The following SHISAL1 variants were observed in gnomAD, a reference collection of about 807,000 sequenced individuals.
The protein encoded by SHISAL1 is shisa like 1.
Under a neutral mutation model 22.6 loss-of-function variants are expected in SHISAL1, and 9 were observed. The observed-to-expected ratio is 0.40, with a 90% CI of 0.24 to 0.70. The LOEUF (loss-of-function observed/expected upper bound fraction) is 0.70. SHISAL1 is among the 30% of genes least tolerant of loss of function. SHISAL1 has a pLI of 0.39. For missense variants in SHISAL1, 246 were observed against 270.6 expected, an observed-to-expected ratio of 0.91 and a Z score of 0.64; for synonymous variants, 119 against 115.4, an observed-to-expected ratio of 1.03 and a Z score of -0.20.
intron 4 of SHISAL1, among the ~76,000 whole-genome samples, chr22:44,262,230 C>T (rs866129461): frequency 3.3e-5 from 5 of 152,190 alleles, no homozygotes; most frequent in African/African-American, 7.2e-5. Flanking sequence ...TCCAGGCGGA[C>T]GGAACAGCCT....
chr22:44,300,703 G>C (rs1476698552), intron 2 of SHISAL1, among the ~76,000 whole-genome samples, 176 bp downstream of exon 2: 1 of 152,196 alleles, frequency 6.6e-6, no homozygotes, highest in Admixed American at 6.5e-5. Context: ...GAGACAGACA[G>C]AGACCAACCA....
chr22:44,282,743 G>A (rs538804261), intron 4 of SHISAL1, among the ~76,000 whole-genome samples: 1 of 152,312 alleles, frequency 6.6e-6, no homozygotes, highest in Admixed American at 6.5e-5. Flanking sequence ...GGGCTGTGAG[G>A]GGAACAGAAG....
chr22:44,263,314 G>A (rs1193455657), intron 4 of SHISAL1, among the ~76,000 whole-genome samples: 2 of 152,078 alleles, frequency 1.3e-5, no homozygotes, highest in African/African-American at 2.4e-5. Context: ...CAGGTGATCT[G>A]CCCACCTTGG....
chr22:44,256,501 G>C (rs1288452696), intron 4 of SHISAL1, among the ~76,000 whole-genome samples: 1 of 152,184 alleles, frequency 6.6e-6, no homozygotes, highest in African/African-American at 2.4e-5. Flanking sequence ...ATCCATACCA[G>C]CATGTTCCTG....
chr22:44,264,653 C>T (rs555784732), intron 4 of SHISAL1, among the ~76,000 whole-genome samples: 1 of 152,320 alleles, frequency 6.6e-6, no homozygotes, highest in South Asian at 2.1e-4. Flanking sequence ...CAGAGTCCTA[C>T]AGGCCCCAGC....
intron 4 of SHISAL1, among the ~76,000 whole-genome samples, chr22:44,270,999 G>A (rs2055202087): frequency 1.3e-5 from 2 of 152,136 alleles, no homozygotes; most frequent in Admixed American, 6.5e-5. Flanking sequence ...ACTTAGCAGG[G>A]ACCTCTTTCC....
At chr22:44,301,690 G>A (rs993747224) in intron 1 of SHISAL1, among the ~76,000 whole-genome samples, 4 of 152,164 alleles carry the variant, frequency 2.6e-5, no homozygotes, top group African/African-American at 9.7e-5. Flanking sequence ...TCAACAAAAG[G>A]TGGCCCGTCA....
chr22:44,303,592 T>C (rs1041596357), intron 1 of SHISAL1, among the ~76,000 whole-genome samples: 2 of 152,182 alleles, frequency 1.3e-5, no homozygotes, highest in Admixed American at 6.5e-5. Flanking sequence ...GCTGACACCC[T>C]GACTTGGACT....
intron 4 of SHISAL1, among the ~76,000 whole-genome samples, chr22:44,263,086 T>C (rs113991374): frequency 7.0e-6 from 1 of 143,118 alleles, no homozygotes; most frequent in African/African-American, 2.5e-5. Flanking sequence ...TTTCTTTTTT[T>C]TTTTTTTTTT....
rs375548333 is a variant in SHISAL1 at position 44,285,521 on chromosome 22, G to C, written c.506C>G (p.Pro169Arg). 30 of 1,613,480 alleles carry C rather than the reference G, an allele frequency of 1.9e-5. No homozygotes were observed. The highest frequency in any genetic ancestry group is 2.5e-5 in the Non-Finnish European group (29 of 1,179,668). ...CTGTGGGGCTTGTGGCAGCGGGCCT[G>C]GGGGAGGCTGCGGCTGTGGGGCCCG... is the stretch of plus-strand genomic sequence containing the variant. Reference protein sequence around the residue: ...GQRAPQPQPPPGPLPQAPQAV... With the variant: ...GQRAPQPQPPRGPLPQAPQAV... Residue 169 changes from proline to arginine, a missense_variant, in exon 4 of 5, where the codon CCA becomes CGA. Physicochemically the swap from Pro to Arg is moderately radical, Grantham distance 103 (BLOSUM62 -2). This residue lies in a region of SHISAL1 where 136 missense variants were observed against 117.5 expected (regional missense o/e 1.16). Coordinates refer to ENST00000381176, the MANE Select transcript of SHISAL1 (RefSeq NM_001099294.2).
At chr22:44,253,155 T>C (rs2055060678) in intron 4 of SHISAL1, among the ~76,000 whole-genome samples, 1 of 152,148 alleles carries the variant, frequency 6.6e-6, no homozygotes, top group Non-Finnish European at 1.5e-5. Context: ...CATTTTACCA[T>C]AATTTTTAAA....
intron 4 of SHISAL1, among the ~76,000 whole-genome samples, chr22:44,279,112 C>T (rs890828692): frequency 6.6e-6 from 1 of 152,322 alleles, no homozygotes; most frequent in East Asian, 1.9e-4. Flanking sequence ...ATGGTACCCA[C>T]CACCGCGGAG....
Position 44,255,000 on chromosome 22 carries a change from T to C in SHISAL1, c.*-5315A>G, listed in dbSNP as rs533826903. Among the ~76,000 whole-genome samples the C allele has an allele frequency of 1.7e-4, 26 of 152,284 alleles. 1 individual carries two copies. The highest frequency in any genetic ancestry group is 6.3e-4 in the African/African-American group (26 of 41,560). ...CTTTCACTCATCCTCCCAGCAGCAC[T>C]GACTCAAGTGATCACCTGCTTCCAG... is the stretch of plus-strand genomic sequence containing the variant. On this transcript the variant is annotated intron_variant, in intron 4 of 4. Transcript: ENST00000381176.
At chr22:44,293,022 G>C (rs1240965584) in intron 3 of SHISAL1, among the ~76,000 whole-genome samples, 1 of 147,650 alleles carries the variant, frequency 6.8e-6, no homozygotes, top group Non-Finnish European at 1.5e-5. Context: ...TATCCCCTGG[G>C]CTAGACAGGG....
At chr22:44,296,098 C>G (rs1253642119) in intron 3 of SHISAL1, among the ~76,000 whole-genome samples, 2 of 152,200 alleles carry the variant, frequency 1.3e-5, no homozygotes, top group Non-Finnish European at 2.9e-5. Flanking sequence ...CTTAACCTCA[C>G]TTAGCTTCTA....
At chr22:44,278,952 T>C (rs1410125186) in intron 4 of SHISAL1, among the ~76,000 whole-genome samples, 2 of 152,036 alleles carry the variant, frequency 1.3e-5, no homozygotes, top group African/African-American at 4.8e-5. Context: ...TCGGGACCTC[T>C]CATCACCATC....
At chr22:44,311,365 T>C (rs2055517193) in intron 1 of SHISAL1, among the ~76,000 whole-genome samples, 1 of 152,140 alleles carries the variant, frequency 6.6e-6, no homozygotes, top group African/African-American at 2.4e-5. Context: ...ACCTCTCCTA[T>C]CTCCCCAGAT....
At chr22:44,305,640 C>A (rs962127746) in intron 1 of SHISAL1, among the ~76,000 whole-genome samples, 1 of 152,220 alleles carries the variant, frequency 6.6e-6, no homozygotes, top group Non-Finnish European at 1.5e-5. Flanking sequence ...TCAGGCACAC[C>A]CCGTGGTCAT....
intron 4 of SHISAL1, among the ~76,000 whole-genome samples, chr22:44,253,843 T>A (rs2055066636): frequency 6.6e-6 from 1 of 151,960 alleles, no homozygotes; most frequent in Non-Finnish European, 1.5e-5. Flanking sequence ...TGTGTGTGTG[T>A]GTGTGTGTGT....
Sources: gnomAD v4.1 joint callset for allele counts (sites outside exome capture counted in the v4.1 genomes callset) on GRCh38, gnomAD v4.1.1 for gene constraint, gnomAD v4.1.1 regional missense constraint, MANE v1.5 for transcripts, NCBI Gene and HGNC (gene_info 2026-07-23, HGNC 2026-07-21) for gene names.